The following CNTN1 variants were observed in gnomAD, a reference collection of about 807,000 sequenced individuals.
CNTN1 encodes the protein contactin 1, also known as contactin-1.
Under a neutral mutation model 126.4 loss-of-function variants are expected in CNTN1, and 38 were observed. That is an observed-to-expected ratio of 0.30 (90% CI 0.23 to 0.39). The LOEUF is 0.39. Among genes scored for constraint, CNTN1 ranks in the 10% least tolerant of loss-of-function variants. The pLI is 1.00. For missense variants in CNTN1, 1,009 were observed against 1,248.4 expected (o/e 0.81, Z 2.89); for synonymous variants, 413 against 422.6 (o/e 0.98, Z 0.28).
rs534432487 is a variant in CNTN1, at chr12:40,769,261, A to G, written c.-77+76669A>G. On this transcript the variant is annotated intron_variant, in intron 1 of 23. Transcript: ENST00000551295. ...ATGAATTTTAGTAGTTGTAAACAAT[A>G]TATCTTTTTTTCTGAAACACATGAG... is the stretch of plus-strand genomic sequence containing the variant. Among the ~76,000 whole-genome samples the G allele has an allele frequency of 5.6e-4, 77 of 137,216 alleles. 1 individual carries two copies. In the South Asian group the frequency reaches 0.019, roughly 34 times the overall value. The allele number at this position is 137,216 out of a possible 152,430, so 90.0% of individuals were successfully genotyped here.
At position 40,911,284 on chromosome 12, in the gene CNTN1, A is replaced by G. The variant is rs371670473; in HGVS notation, c.94+1179A>G. 3.0e-4 allele frequency among the ~76,000 whole-genome samples: 46 copies of G among 151,932 alleles called. No individual in the cohort carries two copies. The East Asian group carries it at 5.6e-3, about 19-fold the overall frequency. On this transcript the variant is annotated intron_variant, in intron 3 of 23. Transcript: ENST00000551295. ...TTTAGTAGAGACGGGGTTTCACCAT[A>G]TTAGCCAGGATGGTCTCAATCTCCT...
intron 1 of CNTN1, among the ~76,000 whole-genome samples, chr12:40,836,021 CAT>C (rs1052883999): frequency 2.1e-5 from 3 of 144,956 alleles, no homozygotes; most frequent in African/African-American, 5.1e-5. Context: ...TATATGTATG[CAT>C]ATATATATAC....
chr12:41,023,636 A>G (rs889584190), intron 20 of CNTN1, among the ~76,000 whole-genome samples: 1 of 152,208 alleles, frequency 6.6e-6, no homozygotes, highest in Non-Finnish European at 1.5e-5. Flanking sequence ...AAACTTTAGC[A>G]CCTAAATTAG....
chr12:40,802,060 T>A (rs1002183630), intron 1 of CNTN1, among the ~76,000 whole-genome samples: 1 of 151,876 alleles, frequency 6.6e-6, no homozygotes, highest in African/African-American at 2.4e-5. Flanking sequence ...TGTAGGATGA[T>A]GCCATTTACT....
At chr12:40,723,541 T>G (rs1333276891) in intron 1 of CNTN1, among the ~76,000 whole-genome samples, 2 of 152,222 alleles carry the variant, frequency 1.3e-5, no homozygotes, top group Non-Finnish European at 2.9e-5. Context: ...ATATACTTTA[T>G]TATCCCTGAT....
intron 1 of CNTN1, among the ~76,000 whole-genome samples, chr12:40,819,886 C>A (rs558504073): frequency 6.6e-6 from 1 of 152,284 alleles, no homozygotes; most frequent in African/African-American, 2.4e-5. Context: ...TGCTCACTCA[C>A]CACCTCTCTT....
chr12:41,018,167 A>G (rs1273985568), intron 19 of CNTN1, among the ~76,000 whole-genome samples: 1 of 152,144 alleles, frequency 6.6e-6, no homozygotes, highest in Non-Finnish European at 1.5e-5. Context: ...GACTAGAAAA[A>G]CAAATAGAGA....
At chr12:40,921,117 T>C (rs529508484) in intron 4 of CNTN1, among the ~76,000 whole-genome samples, 1 of 152,306 alleles carries the variant, frequency 6.6e-6, no homozygotes, top group South Asian at 2.1e-4. Flanking sequence ...ATTTAGTAAG[T>C]TTTAAAAATG....
rs550959273 is a variant in CNTN1, at chr12:40,863,687, G to A, written c.-76-44670G>A. Among the ~76,000 whole-genome samples the A allele has an allele frequency of 5.3e-5, 8 of 152,260 alleles. No individual in the cohort carries two copies. The South Asian group carries it at 1.7e-3, about 32-fold the overall frequency. On this transcript the variant is annotated intron_variant, in intron 1 of 23. Coordinates refer to ENST00000551295, the MANE Select transcript of CNTN1 (RefSeq NM_001843.4). ...ATAGTAGCATTAGATTCTCATAGGA[G>A]CTGGAACCCTATTATAAACTGTGTA...
At chr12:40,771,375 T>A (rs926838338) in intron 1 of CNTN1, among the ~76,000 whole-genome samples, 1 of 152,104 alleles carries the variant, frequency 6.6e-6, no homozygotes, top group Non-Finnish European at 1.5e-5. Context: ...TAGGATAATT[T>A]GCCGAGAAGC....
Position 40,718,586 on chromosome 12 carries a change from G to A in CNTN1, c.-77+25994G>A, listed in dbSNP as rs145703227. On this transcript the variant is annotated intron_variant, in intron 1 of 23. Coordinates refer to ENST00000551295, the MANE Select transcript of CNTN1 (RefSeq NM_001843.4). ...GGTAGAGCCCACTATTTTTGTCCTA[G>A]TGGGCAAAAAAGGAAGCCTCTAGGG... Among the ~76,000 whole-genome samples, 735 of 152,032 alleles carry A rather than the reference G, an allele frequency of 4.8e-3. 8 individuals are homozygous for A. Among genetic ancestry groups the A allele is most frequent in the African/African-American group, 0.017 (700 of 41,502 alleles).
intron 15 of CNTN1, chr12:40,972,133 G>C (rs1947534447): frequency 2.0e-6 from 2 of 985,288 alleles, no homozygotes; most frequent in South Asian, 4.7e-5. Context: ...TAGCATGTGG[G>C]GGAAACCCTC....
intron 23 of CNTN1, among the ~76,000 whole-genome samples, chr12:41,042,617 A>G (rs1040517259): frequency 1.3e-5 from 2 of 152,058 alleles, no homozygotes; most frequent in African/African-American, 4.8e-5. Flanking sequence ...TCAAGCTACC[A>G]ATGACTTTCT....
intron 23 of CNTN1, among the ~76,000 whole-genome samples, chr12:41,062,406 G>A (rs1949954566): frequency 6.6e-6 from 1 of 152,128 alleles, no homozygotes; most frequent in Non-Finnish European, 1.5e-5. Context: ...TTCCAGGCAA[G>A]TACAACTTTT....
intron 17 of CNTN1, among the ~76,000 whole-genome samples, chr12:41,002,558 CTTTT>C (rs1360030646): frequency 7.4e-6 from 1 of 134,588 alleles, no homozygotes; most frequent in Non-Finnish European, 1.6e-5. Context: ...GGGTTTCTTT[CTTTT>C]TTTTTTTTTT....
At chr12:40,766,372 AAG>A (rs1939091229) in intron 1 of CNTN1, among the ~76,000 whole-genome samples, 1 of 146,288 alleles carries the variant, frequency 6.8e-6, no homozygotes, top group Admixed American at 6.7e-5. Flanking sequence ...AAAAAAAAAA[AAG>A]AAAGAAAGAA....
chr12:40,814,379 C>T lies in CNTN1; in HGVS notation c.-76-93978C>T, dbSNP rs1009606056. Among the ~76,000 whole-genome samples the T allele has an allele frequency of 5.9e-5, 9 of 152,154 alleles. No individual in the cohort carries two copies. The East Asian group carries it at 1.5e-3, about 26-fold the overall frequency. Reference sequence around the variant, plus strand: ...ATCTTGAGTTAATTTTTGTATAAGACGTAAGGACGGAGTCCAGTTCCATTT... The same window carrying T: ...ATCTTGAGTTAATTTTTGTATAAGATGTAAGGACGGAGTCCAGTTCCATTT... On this transcript the variant is annotated intron_variant, in intron 1 of 23. Coordinates refer to ENST00000551295, the MANE Select transcript of CNTN1 (RefSeq NM_001843.4).
intron 1 of CNTN1, among the ~76,000 whole-genome samples, chr12:40,757,827 A>G (rs982539428): frequency 1.3e-5 from 2 of 152,106 alleles, no homozygotes; most frequent in Non-Finnish European, 2.9e-5. Context: ...AAAATAATCA[A>G]ATATCTTTAT....
chr12:40,970,000 A>G lies in CNTN1; in HGVS notation c.1804+10766A>G, dbSNP rs550547684. ...CTTCCTGCACTCTTAGCGACTCTCA[A>G]TAATGAGAGCTTGACCCCGCCCCTC... On this transcript the variant is annotated intron_variant, in intron 15 of 23. Transcript: ENST00000551295. Among the ~76,000 whole-genome samples, 22 of 152,258 alleles carry G rather than the reference A, an allele frequency of 1.4e-4. No homozygotes were observed. In the South Asian group the frequency reaches 3.5e-3, roughly 24 times the overall value.
Sources: gnomAD v4.1 joint callset for allele counts (sites outside exome capture counted in the v4.1 genomes callset) on GRCh38, gnomAD v4.1.1 for gene constraint, MANE v1.5 for transcripts, NCBI Gene and HGNC (gene_info 2026-07-23, HGNC 2026-07-21) for gene names.